GLDC: variants seen among roughly 807,000 people sequenced by gnomAD.
GLDC encodes glycine decarboxylase, also known as glycine dehydrogenase (decarboxylating), mitochondrial.
GLDC carries 104 observed loss-of-function variants against 121.3 expected under a neutral mutation model. That is an observed-to-expected ratio of 0.86 (90% CI 0.73 to 1.01). The LOEUF (loss-of-function observed/expected upper bound fraction) is 1.01, where lower values mean the gene tolerates loss of function less well. Among genes scored for constraint, GLDC ranks in the 50% least tolerant of loss-of-function variants. GLDC has a pLI of 0.00. For missense variants in GLDC, 1,429 were observed against 1,306.6 expected (o/e 1.09, Z -1.44); for synonymous variants, 546 against 480.6 (o/e 1.14, Z -1.78).
chr9:6,622,521 GAC>G (rs1337176716), intron 2 of GLDC, among the ~76,000 whole-genome samples: 2 of 152,176 alleles, frequency 1.3e-5, no homozygotes, highest in African/African-American at 4.8e-5. Context: ...CGGGATTGCA[GAC>G]AGAGTCTCGT....
chr9:6,553,378 G>C lies in GLDC; in HGVS notation c.2447C>G (p.Ala816Gly). The C allele has an allele frequency of 6.2e-7, 1 of 1,613,988 alleles. No individual in the cohort carries two copies. Among genetic ancestry groups the C allele is most frequent in the South Asian group, 1.1e-5 (1 of 91,072 alleles). ...GSSSILPISWAYIKMMGGKGL... is the reference protein window; with the variant it reads ...GSSSILPISWGYIKMMGGKGL... ...ACTCCCAGGCCTCACCTTGATATAA[G>C]CCCAGGAAATGGGCAAGATGGAACT... The change falls in exon 20 of 25, where the codon GCT becomes GGT. Residue 816 changes from alanine to glycine, a missense_variant. By Grantham distance (60) the Ala-to-Gly change is moderately conservative. Coordinates refer to ENST00000321612, the MANE Select transcript of GLDC (RefSeq NM_000170.3).
intron 3 of GLDC, among the ~76,000 whole-genome samples, chr9:6,614,855 C>T (rs1818937067): frequency 6.6e-6 from 1 of 152,166 alleles, no homozygotes; most frequent in Non-Finnish European, 1.5e-5. Context: ...TATAGCCTAT[C>T]ACTCCCAGGC....
At chr9:6,607,670 G>C (rs972553304) in intron 4 of GLDC, among the ~76,000 whole-genome samples, 1 of 151,718 alleles carries the variant, frequency 6.6e-6, no homozygotes, top group African/African-American at 2.4e-5. Flanking sequence ...GGAGAACAGG[G>C]TCTCGGTCTA....
rs369934221 is a variant in GLDC at position 6,561,052 on chromosome 9, C to G, written c.1927-2368G>C. On this transcript the variant is annotated intron_variant, in intron 16 of 24. Coordinates refer to ENST00000321612, the MANE Select transcript of GLDC (RefSeq NM_000170.3). ...GGAAACAGATTCTCCCCTGTCTCCC[C>G]CAGAAGGAATCAGCTCTACCAACAC... Among the ~76,000 whole-genome samples the G allele has an allele frequency of 8.5e-5, 13 of 152,294 alleles. No individual in the cohort carries two copies. In the East Asian group the frequency reaches 1.7e-3, roughly 20 times the overall value.
At chr9:6,603,444 T>A (rs762206677) in intron 7 of GLDC, among the ~76,000 whole-genome samples, 1 of 150,234 alleles carries the variant, frequency 6.7e-6, no homozygotes, top group African/African-American at 2.5e-5. Context: ...ACCCTGTTTT[T>A]ACAAAAAATT....
At chr9:6,637,753 C>T (rs1819536711) in intron 2 of GLDC, among the ~76,000 whole-genome samples, 1 of 152,148 alleles carries the variant, frequency 6.6e-6, no homozygotes, top group Non-Finnish European at 1.5e-5. Context: ...AGGCATGAGC[C>T]ACTGTGCCCA....
At chr9:6,634,864 A>G (rs1469940271) in intron 2 of GLDC, among the ~76,000 whole-genome samples, 1 of 151,872 alleles carries the variant, frequency 6.6e-6, no homozygotes, top group Non-Finnish European at 1.5e-5. Context: ...TCTCAGAGGC[A>G]CTCTGCAAAA....
chr9:6,591,304 C>G (rs926168934), intron 11 of GLDC, among the ~76,000 whole-genome samples: 1 of 152,324 alleles, frequency 6.6e-6, no homozygotes, highest in Non-Finnish European at 1.5e-5. Context: ...TCCTGCTTAT[C>G]TTCTTGGTAA....
chr9:6,543,444 C>A (rs1361487378), intron 21 of GLDC, among the ~76,000 whole-genome samples: 1 of 152,066 alleles, frequency 6.6e-6, no homozygotes, highest in Non-Finnish European at 1.5e-5. Context: ...AGCAGAGGTT[C>A]AGTAATAGCT....
intron 3 of GLDC, among the ~76,000 whole-genome samples, chr9:6,614,992 A>G (rs997359610): frequency 6.6e-6 from 1 of 152,226 alleles, no homozygotes; most frequent in Non-Finnish European, 1.5e-5. Context: ...TTATGAGACC[A>G]CTGTCATATA....
intron 21 of GLDC, among the ~76,000 whole-genome samples, chr9:6,548,416 G>C (rs1372854560): frequency 1.3e-5 from 2 of 152,102 alleles, no homozygotes; most frequent in Non-Finnish European, 2.9e-5. Context: ...CACTTCTTTA[G>C]TACCCACTTC....
intron 15 of GLDC, among the ~76,000 whole-genome samples, chr9:6,567,844 T>C (rs1817882198): frequency 6.6e-6 from 1 of 152,214 alleles, no homozygotes; most frequent in Non-Finnish European, 1.5e-5. Flanking sequence ...GCTCTGACAG[T>C]AGGGTCTAAT....
At position 6,553,417 on chromosome 9, in the gene GLDC, G is replaced by A. The variant is rs1375473864; in HGVS notation, c.2408C>T (p.Ala803Val). 1.2e-6 allele frequency: 2 copies of A among 1,613,656 alleles called. No homozygotes were observed. The highest frequency in any genetic ancestry group is 1.7e-5 in the Admixed American group (1 of 60,014). ...CAAGATGGAACTGGAGCCCCATGGG[G>A]CCGCACTGACGGTTCCCACAGGACA... is the stretch of plus-strand genomic sequence containing the variant. ...DACPVGTVSA[A>V]PWGSSSILPI... The change falls in exon 20 of 25, where the codon GCC (alanine) becomes GTC (valine). Residue 803 changes from alanine (A) to valine (V), a missense_variant. Transcript: ENST00000321612.
chr9:6,560,865 A>G (rs1381605531), intron 16 of GLDC, among the ~76,000 whole-genome samples: 1 of 152,174 alleles, frequency 6.6e-6, no homozygotes, highest in Non-Finnish European at 1.5e-5. Context: ...AGATGGAAAA[A>G]TTCTTCTGGA....
At chr9:6,542,634 C>G (rs1437365169) in intron 21 of GLDC, among the ~76,000 whole-genome samples, 1 of 151,736 alleles carries the variant, frequency 6.6e-6, no homozygotes, top group Non-Finnish European at 1.5e-5. Flanking sequence ...ACTTGTAATC[C>G]CAGCATTTCA....
intron 17 of GLDC, chr9:6,557,630 GAAAAA>G: frequency 8.9e-6 from 1 of 112,990 alleles, no homozygotes; most frequent in Non-Finnish European, 2.0e-5. Flanking sequence ...ACAGGAATTG[GAAAAA>G]AAAAAAAAAA....
At chr9:6,644,479 C>T (rs1319334273) in intron 2 of GLDC, 135 bp downstream of exon 2, 2 of 708,288 alleles carry the variant, frequency 2.8e-6, no homozygotes, top group East Asian at 2.7e-5. Flanking sequence ...CCGGAGGTAC[C>T]CGCCACTGTT....
chr9:6,612,469 C>T (rs1272025933), intron 3 of GLDC, among the ~76,000 whole-genome samples: 1 of 152,100 alleles, frequency 6.6e-6, no homozygotes, highest in Non-Finnish European at 1.5e-5. Flanking sequence ...CATGGTGGCT[C>T]ACACCTGTAA....
chr9:6,625,285 C>T (rs755986516), intron 2 of GLDC, among the ~76,000 whole-genome samples: 14 of 152,212 alleles, frequency 9.2e-5, no homozygotes, highest in South Asian at 4.2e-4. Flanking sequence ...CTCACTCACA[C>T]GGCCTGGCAT....
Sources: allele counts gnomAD v4.1 joint callset (sites outside exome capture counted in the v4.1 genomes callset), GRCh38; gene constraint gnomAD v4.1.1; transcripts MANE v1.5; gene names NCBI Gene and HGNC (gene_info 2026-07-23, HGNC 2026-07-21).